ZNF532: variants seen among roughly 807,000 people sequenced by gnomAD.
The protein encoded by ZNF532 is zinc finger protein 532.
In ZNF532, 22 loss-of-function variants were observed where a neutral mutation model predicts 89.3. The ratio of observed to expected loss-of-function variants is 0.25; its 90% confidence interval spans 0.18 to 0.35. The LOEUF (loss-of-function observed/expected upper bound fraction) is 0.35, where lower values mean the gene tolerates loss of function less well. Ranked by LOEUF, ZNF532 falls within the 10% of genes least tolerant of loss-of-function variation. ZNF532 has a pLI of 1.00. For missense variants in ZNF532, 1,132 were observed against 1,643.4 expected (o/e 0.69, Z 5.38); for synonymous variants, 606 against 649.6 (o/e 0.93, Z 1.02).
intron 2 of ZNF532, among the ~76,000 whole-genome samples, chr18:58,883,603 G>A (rs2058076299): frequency 6.6e-6 from 1 of 152,158 alleles, no homozygotes. Flanking sequence ...GGTGGGAGGA[G>A]GATAGGGTGA....
intron 2 of ZNF532, among the ~76,000 whole-genome samples, chr18:58,900,214 C>T (rs1374465902): frequency 4.6e-5 from 7 of 152,188 alleles, no homozygotes; most frequent in East Asian, 1.9e-4. Context: ...CTGGACTCAT[C>T]GGAGGATCGC....
At chr18:58,942,096 C>T (rs547599673) in intron 5 of ZNF532, among the ~76,000 whole-genome samples, 1 of 150,412 alleles carries the variant, frequency 6.6e-6, no homozygotes, top group East Asian at 2.0e-4. Flanking sequence ...GATCTCAGCT[C>T]ACTGCAAGCT....
At chr18:58,863,016 G>A (rs981366970), upstream of ZNF532, 1 of 152,190 alleles carries the variant, frequency 6.6e-6, no homozygotes, top group Non-Finnish European at 1.5e-5. Context: ...GAGAATTTCA[G>A]ATTTAATTTG....
intron 5 of ZNF532, 35 bp from the exon 6 acceptor site, chr18:58,948,032 G>A (rs1191408629): frequency 6.3e-7 from 1 of 1,577,778 alleles, no homozygotes; most frequent in South Asian, 1.2e-5. Flanking sequence ...TAAAGAGGCT[G>A]ACTGACATGA....
At chr18:58,899,290 A>G (rs2059448558) in intron 2 of ZNF532, among the ~76,000 whole-genome samples, 1 of 152,146 alleles carries the variant, frequency 6.6e-6, no homozygotes, top group Non-Finnish European at 1.5e-5. Context: ...ACATCCTTAC[A>G]CTACAAGATG....
At chr18:58,940,415 G>A (rs928360287) in intron 5 of ZNF532, 1 of 152,058 alleles carries the variant, frequency 6.6e-6, no homozygotes, top group Admixed American at 6.5e-5. Flanking sequence ...CTCTTAATTT[G>A]ATTGATTTTT....
rs1226814068 is a variant in ZNF532, at chr18:58,984,162, C to G, written c.3602C>G (p.Ser1201Cys). The stretch of plus-strand genomic sequence containing the variant: ...ATCCCTCAGCACAAATCGGATGGTT[C>G]TTCCTACCAGTGCCGGGAGTGTGGC... Reference protein sequence around the residue: ...EHIPQHKSDGSSYQCRECGLC... With the variant: ...EHIPQHKSDGCSYQCRECGLC... The change falls in exon 10 of 10, where the codon TCT becomes TGT. Residue 1201 changes from serine (S) to cysteine (C), a missense_variant. This residue lies in a region of ZNF532 where 415 missense variants were observed against 604.8 expected (regional missense o/e 0.69). Coordinates refer to ENST00000591808, the MANE Select transcript of ZNF532 (RefSeq NM_001375912.1). 6.2e-7 allele frequency: 1 copy of G among 1,611,926 alleles called. No homozygotes were observed. Among genetic ancestry groups the G allele is most frequent in the Non-Finnish European group, 8.5e-7 (1 of 1,179,854 alleles).
intron 7 of ZNF532, among the ~76,000 whole-genome samples, chr18:58,968,206 A>C (rs1413625179): frequency 6.6e-6 from 1 of 152,198 alleles, no homozygotes; most frequent in South Asian, 2.1e-4. Flanking sequence ...CTCCCTTGAC[A>C]CTGGGCTGGT....
chr18:58,951,646 G>GTTTTTTTTTTTGTTT (rs760650267), intron 6 of ZNF532, among the ~76,000 whole-genome samples: 1 of 72,592 alleles, frequency 1.4e-5, no homozygotes, highest in Admixed American at 1.9e-4. Flanking sequence ...TCGCCCTGTT[G>GTTTTTTTTTTTGTTT]TTTTTTTTTT....
At chr18:58,938,541 A>G (rs775016937) in intron 4 of ZNF532, among the ~76,000 whole-genome samples, 1 of 152,184 alleles carries the variant, frequency 6.6e-6, no homozygotes, top group Non-Finnish European at 1.5e-5. Flanking sequence ...AATTCATGCA[A>G]TTTCTTAAAC....
At chr18:58,892,982 CTTTT>C (rs58108717) in intron 2 of ZNF532, among the ~76,000 whole-genome samples, 2 of 135,270 alleles carry the variant, frequency 1.5e-5, no homozygotes. Flanking sequence ...TTTGTACTTT[CTTTT>C]TTTTTTTTTT....
At chr18:58,863,092 T>G (rs753655345), upstream of ZNF532, 1 of 152,272 alleles carries the variant, frequency 6.6e-6, no homozygotes, top group East Asian at 1.9e-4. Flanking sequence ...ACCACCACCT[T>G]GGCTTCAAGA....
intron 2 of ZNF532, among the ~76,000 whole-genome samples, chr18:58,867,716 C>G (rs538069852): frequency 5.9e-5 from 9 of 152,320 alleles, no homozygotes; most frequent in Non-Finnish European, 1.3e-4. Flanking sequence ...GTGGGTTTGG[C>G]TGAGGAGAGC....
intron 5 of ZNF532, chr18:58,940,083 T>C (rs7507000): frequency 0.59 from 90,417 of 152,470 alleles, 27,437 homozygotes; most frequent in African/African-American, 0.72. Context: ...TTAATAGAGA[T>C]GGGGTTTCAA....
chr18:58,900,498 T>C (rs993563487), intron 2 of ZNF532, among the ~76,000 whole-genome samples: 2 of 152,136 alleles, frequency 1.3e-5, no homozygotes, highest in African/African-American at 4.8e-5. Context: ...CCTGCCCTGC[T>C]CCCTGCTTTC....
chr18:58,869,762 G>GTTTT (rs59118998), intron 2 of ZNF532, among the ~76,000 whole-genome samples: 14 of 111,472 alleles, frequency 1.3e-4, no homozygotes, highest in African/African-American at 1.7e-4. Context: ...TGGAAGATCT[G>GTTTT]TTTTTTTTTT....
At chr18:58,908,349 T>A (rs1294866578) in intron 2 of ZNF532, among the ~76,000 whole-genome samples, 1 of 152,242 alleles carries the variant, frequency 6.6e-6, no homozygotes, top group Non-Finnish European at 1.5e-5. Flanking sequence ...CATAGACAAT[T>A]TATTTCAGGG....
intron 3 of ZNF532, among the ~76,000 whole-genome samples, chr18:58,931,222 C>G (rs1244882101): frequency 6.6e-6 from 1 of 152,166 alleles, no homozygotes; most frequent in Non-Finnish European, 1.5e-5. Flanking sequence ...CAGTTACTGT[C>G]ACATTAAACT....
intron 7 of ZNF532, among the ~76,000 whole-genome samples, chr18:58,957,406 CATATATATAT>C (rs58182199): frequency 0.22 from 30,513 of 138,864 alleles, 4,009 homozygotes; most frequent in Middle Eastern, 0.37. Context: ...ACTTAAAATA[CATATATATAT>C]ATATATATAT....
Sources: gnomAD v4.1 joint callset for allele counts (sites outside exome capture counted in the v4.1 genomes callset) on GRCh38, gnomAD v4.1.1 for gene constraint, gnomAD v4.1.1 regional missense constraint, MANE v1.5 for transcripts, NCBI Gene and HGNC (gene_info 2026-07-23, HGNC 2026-07-21) for gene names.